The following RAD51B variants were observed in gnomAD, a reference collection of about 807,000 sequenced individuals.
The protein encoded by RAD51B is DNA repair protein RAD51 homolog 2.
A neutral mutation model predicts 42.2 loss-of-function variants in RAD51B; 38 were observed. The observed-to-expected ratio is 0.90, with a 90% CI of 0.70 to 1.18. RAD51B has a LOEUF of 1.18. Ranked by LOEUF, RAD51B falls within the 50% of genes most tolerant of loss-of-function variation. The pLI, the probability that RAD51B is intolerant of heterozygous loss-of-function variation, is 0.00. For synonymous variants in RAD51B, 154 were observed against 145.2 expected (o/e 1.06, Z -0.43); for missense variants, 373 against 400.7 (o/e 0.93, Z 0.59).
intron 9 of RAD51B, among the ~76,000 whole-genome samples, chr14:68,416,176 T>G (rs541854136): frequency 6.6e-5 from 10 of 152,348 alleles, no homozygotes; most frequent in African/African-American, 2.4e-4. Flanking sequence ...TTAGAAGTAT[T>G]GCATCTTGGA....
intron 11 of RAD51B, among the ~76,000 whole-genome samples, chr14:68,679,836 A>G (rs1893389599): frequency 1.3e-5 from 2 of 152,210 alleles, no homozygotes; most frequent in African/African-American, 4.8e-5. Flanking sequence ...GTGTTCTATA[A>G]CGTTCTTTCT....
chr14:68,091,383 T>C (rs1459832900), intron 7 of RAD51B, among the ~76,000 whole-genome samples: 2 of 152,220 alleles, frequency 1.3e-5, no homozygotes, highest in Non-Finnish European at 2.9e-5. Context: ...GACTTTTTAA[T>C]GATCGCCATA....
chr14:68,416,481 AAG>A lies in RAD51B; in HGVS notation c.957+4964_957+4965del, dbSNP rs549033527. Among the ~76,000 whole-genome samples the A allele has an allele frequency of 1.6e-3, 242 of 152,278 alleles. 2 individuals are homozygous for A. The highest frequency in any genetic ancestry group is 2.6e-3 in the Non-Finnish European group (180 of 68,020). Reference sequence around the variant, plus strand: ...TACACAGTAGATACATTTATTTTGAAAGAGAGAGAGAAAGCAAGAAAAAGAAA... The same window carrying A: ...TACACAGTAGATACATTTATTTTGAAAGAGAGAGAAAGCAAGAAAAAGAAA... On this transcript the variant is annotated intron_variant, in intron 9 of 10. Coordinates refer to ENST00000471583, the MANE Select transcript of RAD51B (RefSeq NM_133510.4).
intron 5 of RAD51B, among the ~76,000 whole-genome samples, chr14:67,874,402 G>A (rs1269150912): frequency 6.7e-6 from 1 of 148,852 alleles, no homozygotes; most frequent in Non-Finnish European, 1.5e-5. Flanking sequence ...CTTTCTTAAA[G>A]CGTTATGACT....
chr14:68,530,373 G>T (rs139220133), intron 10 of RAD51B, among the ~76,000 whole-genome samples: 3,366 of 137,266 alleles, frequency 0.025, 61 homozygotes, highest in Middle Eastern at 0.077. Flanking sequence ...CTGGAGCCCA[G>T]AAGGTCAAGG....
At chr14:68,320,183 A>C (rs2082131923) in intron 8 of RAD51B, among the ~76,000 whole-genome samples, 1 of 152,232 alleles carries the variant, frequency 6.6e-6, no homozygotes, top group Admixed American at 6.5e-5. Context: ...TGGAATTAAT[A>C]GAGTACTTTC....
chr14:68,320,057 A>C (rs953955495), intron 8 of RAD51B, among the ~76,000 whole-genome samples: 6 of 152,174 alleles, frequency 3.9e-5, no homozygotes, highest in African/African-American at 1.2e-4. Context: ...CCCTTCAGTA[A>C]CCATTGTACT....
intron 8 of RAD51B, among the ~76,000 whole-genome samples, chr14:68,323,291 T>G (rs2082190016): frequency 6.6e-6 from 1 of 152,182 alleles, no homozygotes; most frequent in African/African-American, 2.4e-5. Flanking sequence ...AGGGCAGGGT[T>G]TCTTAGAGAC....
intron 7 of RAD51B, among the ~76,000 whole-genome samples, chr14:68,107,878 T>G (rs908075859): frequency 2.0e-5 from 3 of 151,810 alleles, no homozygotes; most frequent in Admixed American, 6.6e-5. Flanking sequence ...GCACAATCTT[T>G]GTGACCTTGA....
At chr14:68,379,609 G>A (rs774574679) in intron 8 of RAD51B, among the ~76,000 whole-genome samples, 25 of 152,316 alleles carry the variant, frequency 1.6e-4, no homozygotes, top group East Asian at 5.8e-4. Flanking sequence ...TAGAAAGACC[G>A]ACAAATGTAA....
intron 11 of RAD51B, among the ~76,000 whole-genome samples, chr14:68,670,928 T>C (rs1190068890): frequency 6.6e-6 from 1 of 152,140 alleles, no homozygotes; most frequent in Non-Finnish European, 1.5e-5. Context: ...AAACAGCTGT[T>C]TGTGGGCTCA....
chr14:68,357,816 A>C (rs1268300306), intron 8 of RAD51B, among the ~76,000 whole-genome samples: 1 of 152,200 alleles, frequency 6.6e-6, no homozygotes, highest in Non-Finnish European at 1.5e-5. Context: ...ATGTGCTGCC[A>C]TCCATTCCTT....
intron 10 of RAD51B, among the ~76,000 whole-genome samples, chr14:68,593,784 C>G (rs889273200): frequency 6.6e-6 from 1 of 152,184 alleles, no homozygotes; most frequent in Admixed American, 6.5e-5. Context: ...CTATTCCCAG[C>G]ATTCCCTCTG....
intron 10 of RAD51B, among the ~76,000 whole-genome samples, chr14:68,579,981 C>T (rs377504979): frequency 1.7e-4 from 26 of 152,310 alleles, no homozygotes; most frequent in African/African-American, 5.1e-4. Flanking sequence ...GGGCGGTGCC[C>T]GCAAGTGGAG....
intron 8 of RAD51B, among the ~76,000 whole-genome samples, chr14:68,346,830 AC>A (rs1463180448): frequency 3.9e-5 from 6 of 152,128 alleles, no homozygotes; most frequent in Non-Finnish European, 7.4e-5. Flanking sequence ...CCCAGTAAAC[AC>A]ATACACTAGA....
At chr14:68,001,469 G>A (rs984017728) in intron 7 of RAD51B, among the ~76,000 whole-genome samples, 2 of 151,814 alleles carry the variant, frequency 1.3e-5, no homozygotes, top group African/African-American at 2.4e-5. Flanking sequence ...AGTTTATTAG[G>A]GTCCTCTTTT....
At position 68,426,010 on chromosome 14, in the gene RAD51B, T is replaced by TCC. The variant is rs1371245460; in HGVS notation, c.957+14483_957+14484insCC. 3.1e-4 allele frequency among the ~76,000 whole-genome samples: 37 copies of TCC among 119,816 alleles called. No individual in the cohort carries two copies. The East Asian group carries it at 3.5e-3, about 11-fold the overall frequency. The allele number at this position is 119,816 out of a possible 152,430, so 78.6% of individuals were successfully genotyped here. ...TTCCTTCCTTCCTTCCTTCCTTCCT[T>TCC]TCTTTCTTTCTTTCTTTCTCTCTTT... On this transcript the variant is annotated intron_variant, in intron 9 of 10. Transcript: ENST00000471583.
At chr14:68,361,082 G>A (rs1221294818) in intron 8 of RAD51B, among the ~76,000 whole-genome samples, 2 of 152,204 alleles carry the variant, frequency 1.3e-5, no homozygotes, top group Non-Finnish European at 2.9e-5. Flanking sequence ...CTGTCTTGAG[G>A]AAGAGGAATT....
At chr14:68,596,243 G>A (rs1595011517), downstream of RAD51B, among the ~76,000 whole-genome samples, 1 of 152,078 alleles carries the variant, frequency 6.6e-6, no homozygotes, top group Admixed American at 6.6e-5. Context: ...ACCTGGCGCT[G>A]GGAATTAATC....
Sources: allele counts gnomAD v4.1 joint callset (sites outside exome capture counted in the v4.1 genomes callset), GRCh38; gene constraint gnomAD v4.1.1; transcripts MANE v1.5; gene names NCBI Gene and HGNC (gene_info 2026-07-23, HGNC 2026-07-21).